CIBAR1: variants seen among roughly 807,000 people sequenced by gnomAD.
CIBAR1 encodes the protein CBY1-interacting BAR domain-containing protein 1.
A neutral mutation model predicts 44.0 loss-of-function variants in CIBAR1; 25 were observed. That is an observed-to-expected ratio of 0.57 (90% CI 0.41 to 0.79). The LOEUF is 0.79. CIBAR1 is among the 30% of genes least tolerant of loss of function. CIBAR1 has a pLI of 0.00. For missense variants in CIBAR1, 278 were observed against 344.8 expected (o/e 0.81, Z 1.53); for synonymous variants, 115 against 119.0 (o/e 0.97, Z 0.22).
chr8:93,701,116 C>A, intron 1 of CIBAR1, 108 bp from the exon 2 acceptor site: 3 of 1,507,440 alleles, frequency 2.0e-6, no homozygotes, highest in East Asian at 4.9e-5. Context: ...GATGGGTTTA[C>A]GCCTTCAAAG....
Position 93,720,338 on chromosome 8 carries a change from A to G in CIBAR1, c.657+1550A>G, listed in dbSNP as rs191202105. 1.8e-3 allele frequency among the ~76,000 whole-genome samples: 274 copies of G among 152,232 alleles called. 1 individual carries two copies. The highest frequency in any genetic ancestry group is 2.8e-3 in the Non-Finnish European group (192 of 68,026). On this transcript the variant is annotated intron_variant, in intron 7 of 8. Coordinates refer to ENST00000518322, the MANE Select transcript of CIBAR1 (RefSeq NM_145269.5). ...GAGACCCTCTGAGCCTTCCTGTCCC[A>G]TTACTCCACGGGCTCCAGGAAACTT...
At chr8:93,721,879 G>A (rs1345418188) in intron 7 of CIBAR1, among the ~76,000 whole-genome samples, 1 of 152,146 alleles carries the variant, frequency 6.6e-6, no homozygotes, top group Non-Finnish European at 1.5e-5. Flanking sequence ...GAGAATCAGA[G>A]TGATTTCTTA....
intron 5 of CIBAR1, among the ~76,000 whole-genome samples, chr8:93,709,033 C>T (rs1307415532): frequency 6.6e-6 from 1 of 152,172 alleles, no homozygotes; most frequent in African/African-American, 2.4e-5. Flanking sequence ...AATCCCTGCA[C>T]TTCGGGAGGC....
intron 7 of CIBAR1, among the ~76,000 whole-genome samples, chr8:93,722,494 C>T (rs905243118): frequency 1.3e-5 from 2 of 151,988 alleles, no homozygotes; most frequent in Non-Finnish European, 2.9e-5. Flanking sequence ...GTCAGGAGTT[C>T]GAGACCATCC....
At chr8:93,726,599 C>T in intron 8 of CIBAR1, 86 bp downstream of exon 8, 3 of 1,507,876 alleles carry the variant, frequency 2.0e-6, no homozygotes, top group Non-Finnish European at 2.7e-6. Context: ...TCAGTCATAT[C>T]ACCTCGGTAA....
At chr8:93,709,065 G>C (rs1361562668) in intron 5 of CIBAR1, among the ~76,000 whole-genome samples, 5 of 152,128 alleles carry the variant, frequency 3.3e-5, no homozygotes, top group African/African-American at 9.7e-5. Context: ...GATCACTTGA[G>C]GTCAGGAATT....
rs113452822 is a variant in CIBAR1, at chr8:93,730,204, C to T, written c.*1907C>T. The T allele has an allele frequency of 0.013, 2,010 of 152,240 alleles. 12 individuals are homozygous for T. Among genetic ancestry groups the T allele is most frequent in the Non-Finnish European group, 0.019 (1,307 of 68,020 alleles). 9.4% of individuals were successfully genotyped at this position (152,240 alleles called of 1,614,324 possible). ...ATTATACATCATATAGTATCTAATACAGCTCAATAAACAACAGCTAATATT... is the reference window on the plus strand; with the variant it reads ...ATTATACATCATATAGTATCTAATATAGCTCAATAAACAACAGCTAATATT... On this transcript the variant is annotated 3_prime_UTR_variant, in exon 9 of 9. Transcript: ENST00000518322.
intron 6 of CIBAR1, chr8:93,715,878 G>T (rs1434211696): frequency 6.6e-6 from 1 of 152,174 alleles, no homozygotes; most frequent in Admixed American, 6.5e-5. Context: ...AGCAGCCTTT[G>T]TGCTGGCCCA....
chr8:93,721,986 GA>G (rs1180007047), intron 7 of CIBAR1, among the ~76,000 whole-genome samples: 4 of 152,148 alleles, frequency 2.6e-5, no homozygotes, highest in Admixed American at 6.5e-5. Context: ...CTGTTGTGAA[GA>G]AAGAACAGTG....
At position 93,700,592 on chromosome 8, in the gene CIBAR1, C is replaced by A; in HGVS notation, c.-56C>A. 6.9e-7 allele frequency: 1 copy of A among 1,457,892 alleles called. No homozygotes were observed. Among genetic ancestry groups the A allele is most frequent in the Non-Finnish European group, 9.1e-7 (1 of 1,103,752 alleles). 90.3% of individuals were successfully genotyped at this position (1,457,892 alleles called of 1,614,324 possible). A position where few individuals can be genotyped will look rare whatever the true frequency, so the allele number is the denominator to read the frequency against. On this transcript the variant is annotated 5_prime_UTR_variant, in exon 1 of 9. Transcript: ENST00000518322. Reference sequence around the variant, plus strand: ...TTGCGCCCCAGCGCGCGCCCAGGCGCCTTGGAATCCCCGTCCTTGGGCCCC... The same window carrying A: ...TTGCGCCCCAGCGCGCGCCCAGGCGACTTGGAATCCCCGTCCTTGGGCCCC...
At chr8:93,707,246 A>G (rs1291185629) in intron 4 of CIBAR1, 17 of 432,672 alleles carry the variant, frequency 3.9e-5, no homozygotes, top group South Asian at 2.6e-4. Flanking sequence ...TTAGAAATCT[A>G]TATTCTCTTT....
chr8:93,708,663 G>A (rs1278592167), intron 5 of CIBAR1, among the ~76,000 whole-genome samples: 2 of 152,124 alleles, frequency 1.3e-5, no homozygotes, highest in Non-Finnish European at 2.9e-5. Flanking sequence ...TGGTTGTCTT[G>A]TAAAGAAGAA....
At chr8:93,701,048 G>T (rs996608624) in intron 1 of CIBAR1, 176 bp from the exon 2 acceptor site, 33 of 1,452,480 alleles carry the variant, frequency 2.3e-5, no homozygotes, top group Non-Finnish European at 2.5e-5. Context: ...TACACAGTCC[G>T]GATAGTGAGG....
chr8:93,723,746 A>G (rs1394108368), intron 7 of CIBAR1, among the ~76,000 whole-genome samples: 3 of 152,112 alleles, frequency 2.0e-5, no homozygotes, highest in East Asian at 3.9e-4. Flanking sequence ...GCAGTACTTG[A>G]GGGTATGAAC....
intron 2 of CIBAR1, 151 bp downstream of exon 2, chr8:93,701,609 A>G: frequency 6.0e-6 from 4 of 671,118 alleles, no homozygotes; most frequent in Non-Finnish European, 7.7e-6. Context: ...GTGTGAGTCT[A>G]TTAAAGAGAA....
At chr8:93,725,219 G>C (rs944192733) in intron 7 of CIBAR1, among the ~76,000 whole-genome samples, 3 of 152,176 alleles carry the variant, frequency 2.0e-5, no homozygotes, top group African/African-American at 7.2e-5. Flanking sequence ...CTAGGCTCAA[G>C]TGATCCTCCT....
rs200614366 is a variant in CIBAR1, at chr8:93,728,258, C to G, written c.831C>G (p.Asp277Glu). The change falls in exon 9 of 9, where the codon GAC becomes GAG. Residue 277 changes from aspartate to glutamate, a missense_variant. Asp to Glu is a conservative substitution (Grantham distance 45, BLOSUM62 2). Transcript: ENST00000518322. ...AACAAGCAGAAGATGATGAGGATGACGAGTTAGATGTTACAGAAGAAGAAA... is the reference window on the plus strand; with the variant it reads ...AACAAGCAGAAGATGATGAGGATGAGGAGTTAGATGTTACAGAAGAAGAAA... The part of the protein sequence containing the change: ...KDQQAEDDED[D>E]ELDVTEEENF... The G allele has an allele frequency of 3.6e-5, 57 of 1,596,560 alleles. No individual in the cohort carries two copies. Among genetic ancestry groups the G allele is most frequent in the Middle Eastern group, 4.5e-4 (2 of 4,428 alleles).
chr8:93,701,028 T>G lies in CIBAR1; in HGVS notation c.27-196T>G, dbSNP rs1259361903. ...GCCAGGCCCACCCGGCCTGGGCCTT[T>G]TCCTGTGCCTACACAGTCCGGATAG... On this transcript the variant is annotated intron_variant, in intron 1 of 8. Transcript: ENST00000518322. 6 of 1,431,502 alleles carry G rather than the reference T, an allele frequency of 4.2e-6. No individual in the cohort carries two copies. In the African/African-American group the frequency reaches 8.6e-5, roughly 21 times the overall value. 88.7% of individuals were successfully genotyped at this position (1,431,502 alleles called of 1,614,324 possible).
Position 93,726,397 on chromosome 8 carries a change from T to G in CIBAR1, c.661T>G (p.Phe221Val), listed in dbSNP as rs746179793. Residue 221 changes from phenylalanine (F) to valine (V), a missense_variant, in exon 8 of 9, where the codon TTC becomes GTC. Physicochemically the swap from Phe to Val is conservative, Grantham distance 50. Around this residue, in one of 3 missense-constraint regions of CIBAR1, gnomAD observed 93 missense variants for 108.9 expected, o/e 0.85. Transcript: ENST00000518322. ...NIDEDEDLEV[F>V]RNSLYAPDYS... ...TGCTATTTTATCATTACAATAGGTT[T>G]TCCGAAATTCTCTGTATGCACCAGA... The G allele has an allele frequency of 1.2e-6, 2 of 1,612,374 alleles. No individual in the cohort carries two copies. Among genetic ancestry groups the G allele is most frequent in the Non-Finnish European group, 8.5e-7 (1 of 1,178,828 alleles).
Sources: allele counts gnomAD v4.1 joint callset (sites outside exome capture counted in the v4.1 genomes callset), GRCh38; gene constraint gnomAD v4.1.1; regional missense constraint gnomAD v4.1.1; transcripts MANE v1.5; gene names NCBI Gene and HGNC (gene_info 2026-07-23, HGNC 2026-07-21).